ARHGAP24: variants seen among roughly 807,000 people sequenced by gnomAD.
The protein encoded by ARHGAP24 is Rho GTPase activating protein 24.
ARHGAP24 carries 50 observed loss-of-function variants against 76.4 expected under a neutral mutation model. That is an observed-to-expected ratio of 0.65 (90% CI 0.52 to 0.83). ARHGAP24 has a LOEUF of 0.83. Among genes scored for constraint, ARHGAP24 ranks in the 40% least tolerant of loss-of-function variants. The pLI, the probability that ARHGAP24 is intolerant of heterozygous loss-of-function variation, is 0.00. For synonymous variants in ARHGAP24, 345 were observed against 323.3 expected (o/e 1.07, Z -0.72); for missense variants, 930 against 914.2 (o/e 1.02, Z -0.22).
At chr4:85,719,050 T>C (rs1724834035) in intron 2 of ARHGAP24, among the ~76,000 whole-genome samples, 1 of 152,190 alleles carries the variant, frequency 6.6e-6, no homozygotes, top group South Asian at 2.1e-4. Context: ...TATTAGATGC[T>C]ATGTTCTAAA....
intron 2 of ARHGAP24, among the ~76,000 whole-genome samples, chr4:85,687,660 A>G: frequency 6.6e-6 from 1 of 152,196 alleles, no homozygotes; most frequent in Non-Finnish European, 1.5e-5. Context: ...CCAATTCAGC[A>G]TTAATGGACA....
chr4:85,889,973 C>T (rs1245389442), intron 3 of ARHGAP24, among the ~76,000 whole-genome samples: 4 of 151,914 alleles, frequency 2.6e-5, no homozygotes, highest in Non-Finnish European at 5.9e-5. Flanking sequence ...TACCTAAATC[C>T]ATGATCTGAA....
chr4:85,664,783 T>C (rs953771800), intron 2 of ARHGAP24, among the ~76,000 whole-genome samples: 5 of 152,154 alleles, frequency 3.3e-5, no homozygotes, highest in Non-Finnish European at 7.3e-5. Context: ...CAGTAGTCAT[T>C]CAGGAGCAGG....
At chr4:85,926,611 T>C (rs1736035745) in intron 4 of ARHGAP24, among the ~76,000 whole-genome samples, 1 of 152,214 alleles carries the variant, frequency 6.6e-6, no homozygotes, top group South Asian at 2.1e-4. Context: ...TAAATAAATC[T>C]TATAAATTTT....
chr4:85,639,612 T>G (rs1411955654), intron 2 of ARHGAP24, among the ~76,000 whole-genome samples: 1 of 86,346 alleles, frequency 1.2e-5, no homozygotes, highest in Non-Finnish European at 2.9e-5. Flanking sequence ...CTGTAATTTC[T>G]TTTTGTTTTC....
chr4:85,700,394 T>TA (rs139515906), intron 2 of ARHGAP24, among the ~76,000 whole-genome samples: 2,078 of 71,518 alleles, frequency 0.029, 46 homozygotes, highest in Middle Eastern at 0.064. Flanking sequence ...AGATTCTGTC[T>TA]AAAAAAAAAA....
At chr4:85,506,443 C>T (rs981516949) in intron 1 of ARHGAP24, among the ~76,000 whole-genome samples, 1 of 152,226 alleles carries the variant, frequency 6.6e-6, no homozygotes, top group South Asian at 2.1e-4. Context: ...ACTCAAGCCT[C>T]AGCAATGGCG....
intron 2 of ARHGAP24, among the ~76,000 whole-genome samples, chr4:85,689,411 G>C (rs149073069): frequency 1.3e-5 from 2 of 152,020 alleles, no homozygotes; most frequent in Non-Finnish European, 2.9e-5. Context: ...TTTTGAAACA[G>C]AGTCTTGCTC....
At chr4:85,816,147 G>C (rs1455416750) in intron 3 of ARHGAP24, among the ~76,000 whole-genome samples, 1 of 152,174 alleles carries the variant, frequency 6.6e-6, no homozygotes, top group Non-Finnish European at 1.5e-5. Context: ...TGGAGACACA[G>C]AGCCGAACCA....
chr4:85,758,780 G>A (rs1279679049), intron 3 of ARHGAP24, among the ~76,000 whole-genome samples: 2 of 152,088 alleles, frequency 1.3e-5, no homozygotes, highest in Non-Finnish European at 2.9e-5. Flanking sequence ...ACCACACAGT[G>A]AGCATCAAAG....
At chr4:85,775,778 G>A (rs1727289610) in intron 3 of ARHGAP24, among the ~76,000 whole-genome samples, 1 of 152,106 alleles carries the variant, frequency 6.6e-6, no homozygotes, top group Non-Finnish European at 1.5e-5. Flanking sequence ...GATTGTAGTA[G>A]GGCTGAAGCA....
chr4:85,632,132 T>C (rs1721177265), intron 2 of ARHGAP24, among the ~76,000 whole-genome samples: 1 of 152,038 alleles, frequency 6.6e-6, no homozygotes, highest in Non-Finnish European at 1.5e-5. Flanking sequence ...ATCTGGTGTG[T>C]TCATTTTTTT....
At chr4:85,909,584 C>T (rs1236868522) in intron 3 of ARHGAP24, among the ~76,000 whole-genome samples, 2 of 152,100 alleles carry the variant, frequency 1.3e-5, no homozygotes, top group South Asian at 2.1e-4. Context: ...CCCCAAACAG[C>T]GACTGGTTTA....
In ARHGAP24 at chr4:85,676,699, G is replaced by C. The variant is rs562093025; in HGVS notation, c.181-45186G>C. Among the ~76,000 whole-genome samples the C allele has an allele frequency of 5.9e-5, 9 of 152,224 alleles. No individual in the cohort carries two copies. In the South Asian group the frequency reaches 1.0e-3, roughly 18 times the overall value. ...TGGAGTTGGGAAGAGCAAGGAAAAG[G>C]GTTATGAAAAGATCAGTATAGTGTC... On this transcript the variant is annotated intron_variant, in intron 2 of 9. Transcript: ENST00000395184.
At chr4:85,766,655 C>A (rs1337286184) in intron 3 of ARHGAP24, among the ~76,000 whole-genome samples, 1 of 152,070 alleles carries the variant, frequency 6.6e-6, no homozygotes, top group Non-Finnish European at 1.5e-5. Context: ...TGTAAAAAAA[C>A]AGATGAAAAA....
chr4:85,929,425 G>C (rs1393324249), intron 4 of ARHGAP24, among the ~76,000 whole-genome samples: 1 of 152,140 alleles, frequency 6.6e-6, no homozygotes, highest in Non-Finnish European at 1.5e-5. Context: ...AGAGGCCTTG[G>C]GGGTCAGTTG....
At chr4:85,705,282 CAT>C (rs1309065126) in intron 2 of ARHGAP24, among the ~76,000 whole-genome samples, 1 of 151,978 alleles carries the variant, frequency 6.6e-6, no homozygotes, top group African/African-American at 2.4e-5. Flanking sequence ...AAAATTTACA[CAT>C]ATGACAGATA....
chr4:85,840,848 A>G (rs932356425), intron 3 of ARHGAP24, among the ~76,000 whole-genome samples: 3 of 152,268 alleles, frequency 2.0e-5, no homozygotes, highest in African/African-American at 4.8e-5. Flanking sequence ...ATAGAGCTAT[A>G]TCAATTATGC....
intron 5 of ARHGAP24, among the ~76,000 whole-genome samples, chr4:85,968,501 A>C (rs186637893): frequency 1.3e-5 from 2 of 152,270 alleles, no homozygotes; most frequent in African/African-American, 4.8e-5. Flanking sequence ...GTAAATATTA[A>C]TTTGGCAAAG....
Sources: gnomAD v4.1 joint callset for allele counts (sites outside exome capture counted in the v4.1 genomes callset) on GRCh38, gnomAD v4.1.1 for gene constraint, MANE v1.5 for transcripts, NCBI Gene and HGNC (gene_info 2026-07-23, HGNC 2026-07-21) for gene names.